Variants in PARN observed in about 807,000 individuals in gnomAD.
PARN encodes poly(A)-specific ribonuclease PARN.
PARN carries 71 observed loss-of-function variants against 102.8 expected under a neutral mutation model. The ratio of observed to expected loss-of-function variants is 0.69; its 90% CI spans 0.57 to 0.84. The LOEUF (loss-of-function observed/expected upper bound fraction) is 0.84. Ranked by LOEUF, PARN falls within the 40% of genes least tolerant of loss-of-function variation. The pLI, the probability that PARN is intolerant of heterozygous loss-of-function variation, is 0.00. For synonymous variants in PARN, 261 were observed against 252.9 expected (o/e 1.03, Z -0.30); for missense variants, 782 against 760.9 (o/e 1.03, Z -0.33).
chr16:14,584,263 C>G, intron 16 of PARN, 84 bp downstream of exon 16: 1 of 946,904 alleles, frequency 1.1e-6, no homozygotes, highest in Non-Finnish European at 1.7e-6. Context: ...AATACGGTCT[C>G]CAGAGCCATT....
chr16:14,587,817 T>C (rs527805990), intron 13 of PARN, among the ~76,000 whole-genome samples: 42 of 152,366 alleles, frequency 2.8e-4, no homozygotes, highest in African/African-American at 1.0e-3. Flanking sequence ...CTTACTACTC[T>C]ACAACAAATC....
chr16:14,582,151 G>A lies in PARN; in HGVS notation c.1192+30C>T, dbSNP rs776806313. 6.8e-6 allele frequency: 9 copies of A among 1,331,880 alleles called. 1 individual carries two copies. The highest frequency in any genetic ancestry group is 2.9e-5 in the African/African-American group (2 of 69,492). The allele number at this position is 1,331,880 out of a possible 1,614,324, so 82.5% of individuals were successfully genotyped here. On this transcript the variant is annotated intron_variant, in intron 17 of 23. Transcript: ENST00000437198. ...GGTAAGATCCACCCTAGATCACTGCGTGTTTGACTGAAAGACATGTAATGC... is the reference window on the plus strand; with the variant it reads ...GGTAAGATCCACCCTAGATCACTGCATGTTTGACTGAAAGACATGTAATGC...
At chr16:14,493,706 C>G (rs543206108) in intron 21 of PARN, among the ~76,000 whole-genome samples, 1 of 152,074 alleles carries the variant, frequency 6.6e-6, no homozygotes, top group Non-Finnish European at 1.5e-5. Flanking sequence ...GCAGCAAAGG[C>G]GACAATAAAT....
intron 21 of PARN, among the ~76,000 whole-genome samples, chr16:14,491,992 T>C (rs1397242550): frequency 1.3e-5 from 2 of 152,078 alleles, no homozygotes; most frequent in Non-Finnish European, 2.9e-5. Context: ...CTCGAACGGG[T>C]AGTTTTGCCT....
rs947084897 is a variant in PARN, at chr16:14,630,209, G to C, written c.-84C>G. 1.0e-5 allele frequency: 13 copies of C among 1,248,688 alleles called. No homozygotes were observed. In the Admixed American group the frequency reaches 2.5e-4, roughly 24 times the overall value. 77.4% of individuals were successfully genotyped at this position (1,248,688 alleles called of 1,614,324 possible). Reference sequence around the variant, plus strand: ...ACTCGCCGAATTCCGCGGCGACTGCGGCAGTAGCTGAGGCAGCCGCAGCGG... The same window carrying C: ...ACTCGCCGAATTCCGCGGCGACTGCCGCAGTAGCTGAGGCAGCCGCAGCGG... On this transcript the variant is annotated 5_prime_UTR_variant, in exon 1 of 24. Coordinates refer to ENST00000437198, the MANE Select transcript of PARN (RefSeq NM_002582.4).
At chr16:14,611,151 A>G (rs781482781) in intron 6 of PARN, among the ~76,000 whole-genome samples, 4 of 152,240 alleles carry the variant, frequency 2.6e-5, no homozygotes, top group South Asian at 2.1e-4. Flanking sequence ...AAGGATGAGA[A>G]TAAGTCGGAT....
rs1384575931 is a variant in PARN at position 14,606,681 on chromosome 16, A to G, written c.660-155T>C. 2.0e-5 allele frequency among the ~76,000 whole-genome samples: 3 copies of G among 152,170 alleles called. No homozygotes were observed. The East Asian group carries it at 5.8e-4, about 29-fold the overall frequency. Reference sequence around the variant, plus strand: ...GGAGACTTTACAGCACATTTATTTTATAACGTTTCAGCTGCTAAATGTTTC... The same window carrying G: ...GGAGACTTTACAGCACATTTATTTTGTAACGTTTCAGCTGCTAAATGTTTC... On this transcript the variant is annotated intron_variant, in intron 9 of 23. Coordinates refer to ENST00000437198, the MANE Select transcript of PARN (RefSeq NM_002582.4).
intron 5 of PARN, among the ~76,000 whole-genome samples, chr16:14,618,140 T>C (rs1422800343): frequency 6.6e-6 from 1 of 152,122 alleles, no homozygotes; most frequent in Non-Finnish European, 1.5e-5. Context: ...GGTCAGAACT[T>C]TGAGAACAGC....
intron 21 of PARN, chr16:14,501,460 A>AAC (rs71150191): frequency 1.5e-5 from 2 of 137,550 alleles, no homozygotes; most frequent in African/African-American, 5.3e-5. Context: ...AAAAAAAAAA[A>AAC]CAGAAAGAAA....
intron 21 of PARN, among the ~76,000 whole-genome samples, chr16:14,484,345 C>G (rs1963544027): frequency 6.6e-6 from 1 of 152,214 alleles, no homozygotes; most frequent in South Asian, 2.1e-4. Context: ...TTTGCTACTT[C>G]TGGCTTCCAG....
At chr16:14,603,351 T>C (rs1970991519) in intron 11 of PARN, among the ~76,000 whole-genome samples, 1 of 152,168 alleles carries the variant, frequency 6.6e-6, no homozygotes. Flanking sequence ...TGGGTCATTG[T>C]GGTTAAGTCA....
At chr16:14,578,200 G>A (rs575201565) in intron 18 of PARN, among the ~76,000 whole-genome samples, 16 of 149,792 alleles carry the variant, frequency 1.1e-4, no homozygotes, top group South Asian at 2.1e-4. Flanking sequence ...GTGGTGGTAC[G>A]AGCCTGTAGT....
intron 21 of PARN, among the ~76,000 whole-genome samples, chr16:14,515,712 G>C (rs1055967421): frequency 6.6e-6 from 1 of 152,016 alleles, no homozygotes; most frequent in Non-Finnish European, 1.5e-5. Context: ...GAGGCAGGGG[G>C]ATTATTTGAG....
At chr16:14,582,387 C>G in intron 16 of PARN, 96 bp from the exon 17 acceptor site, 1 of 786,186 alleles carries the variant, frequency 1.3e-6, no homozygotes, top group Non-Finnish European at 2.2e-6. Flanking sequence ...TAGAGAAATA[C>G]CCTAAATAGG....
At chr16:14,462,540 G>A (rs1962049100) in intron 22 of PARN, among the ~76,000 whole-genome samples, 1 of 152,116 alleles carries the variant, frequency 6.6e-6, no homozygotes, top group Non-Finnish European at 1.5e-5. Flanking sequence ...CCCACAGGGA[G>A]TACCCAGCAT....
intron 21 of PARN, among the ~76,000 whole-genome samples, chr16:14,517,511 T>C: frequency 6.6e-6 from 1 of 152,216 alleles, no homozygotes; most frequent in East Asian, 1.9e-4. Flanking sequence ...CAGGTAAGTA[T>C]TGTTTTAAAC....
intron 21 of PARN, among the ~76,000 whole-genome samples, chr16:14,549,431 A>G (rs1567373280): frequency 6.6e-6 from 1 of 152,158 alleles, no homozygotes; most frequent in Non-Finnish European, 1.5e-5. Context: ...TCAGGAAACC[A>G]ATGCAATGAG....
chr16:14,552,696 C>T (rs1365355389), intron 20 of PARN, among the ~76,000 whole-genome samples: 1 of 152,280 alleles, frequency 6.6e-6, no homozygotes, highest in East Asian at 1.9e-4. Flanking sequence ...CGCCTATAAT[C>T]CCAGCACTTT....
intron 22 of PARN, among the ~76,000 whole-genome samples, chr16:14,464,679 C>T (rs1482339579): frequency 6.6e-6 from 1 of 152,068 alleles, no homozygotes; most frequent in African/African-American, 2.4e-5. Flanking sequence ...TTGCTTGAAC[C>T]CAGGAGGCAG....
Sources: gnomAD v4.1 joint callset for allele counts (sites outside exome capture counted in the v4.1 genomes callset) on GRCh38, gnomAD v4.1.1 for gene constraint, MANE v1.5 for transcripts, NCBI Gene and HGNC (gene_info 2026-07-23, HGNC 2026-07-21) for gene names.